The following MTMR6 variants were observed in gnomAD, a reference collection of about 807,000 sequenced individuals.
The protein encoded by MTMR6 is myotubularin related protein 6, also known as phosphatidylinositol-3,5-bisphosphate 3-phosphatase MTMR6.
In MTMR6, 47 loss-of-function variants were observed where a neutral mutation model predicts 80.1. The observed-to-expected ratio is 0.59, with a 90% CI of 0.46 to 0.75. The LOEUF (loss-of-function observed/expected upper bound fraction) is 0.75. Among genes scored for constraint, MTMR6 ranks in the 30% least tolerant of loss-of-function variants. The pLI is 0.00. For synonymous variants in MTMR6, 254 were observed against 253.0 expected (o/e 1.00, Z -0.04); for missense variants, 629 against 730.9 (o/e 0.86, Z 1.61).
intron 5 of MTMR6, among the ~76,000 whole-genome samples, chr13:25,263,668 C>T (rs1452553284): frequency 6.6e-6 from 1 of 152,192 alleles, no homozygotes; most frequent in African/African-American, 2.4e-5. Context: ...CGGTGGATCA[C>T]CTGAGGTCAG....
In MTMR6 at chr13:25,250,046, G is replaced by T. The variant is rs141955134; in HGVS notation, c.1606-554C>A. 2.6e-5 allele frequency among the ~76,000 whole-genome samples: 4 copies of T among 152,208 alleles called. No homozygotes were observed. In the East Asian group the frequency reaches 7.7e-4, roughly 29 times the overall value. ...ATTCTTGGACTGTCCCGATAATCTT[G>T]TATTACCTATTATCCTGGACTTGCC... On this transcript the variant is annotated intron_variant, in intron 13 of 13. Transcript: ENST00000381801.
At chr13:25,286,387 T>C (rs1410073086) in intron 1 of MTMR6, among the ~76,000 whole-genome samples, 1 of 152,240 alleles carries the variant, frequency 6.6e-6, no homozygotes, top group Admixed American at 6.5e-5. Context: ...GCAGTGATTT[T>C]AAAATGTTAT....
intron 1 of MTMR6, among the ~76,000 whole-genome samples, chr13:25,274,961 T>TACACACACACAC (rs71077456): frequency 0.064 from 6,682 of 104,824 alleles, 876 homozygotes; most frequent in East Asian, 0.099. Flanking sequence ...CACACACACA[T>TACACACACACAC]ACACACACAC....
At chr13:25,262,637 G>A (rs1034105205) in intron 5 of MTMR6, among the ~76,000 whole-genome samples, 1 of 152,194 alleles carries the variant, frequency 6.6e-6, no homozygotes, top group African/African-American at 2.4e-5. Flanking sequence ...AGCATGCTGG[G>A]ATTACAGGCA....
intron 6 of MTMR6, among the ~76,000 whole-genome samples, chr13:25,259,697 C>T (rs1957289482): frequency 6.6e-6 from 1 of 152,030 alleles, no homozygotes; most frequent in South Asian, 2.1e-4. Flanking sequence ...TCCTGAAAAA[C>T]AAATCACTGT....
In MTMR6 at chr13:25,251,767, C is replaced by T. The variant is rs1957093794; in HGVS notation, c.1487G>A (p.Arg496Lys). 2 of 1,606,744 alleles carry T rather than the reference C, an allele frequency of 1.2e-6. No individual in the cohort carries two copies. Among genetic ancestry groups the T allele is most frequent in the Non-Finnish European group, 8.5e-7 (1 of 1,177,244 alleles). Residue 496 changes from arginine to lysine, a missense_variant, in exon 13 of 14, where the codon AGG (arginine) becomes AAG (lysine). Arg to Lys is a conservative substitution (Grantham distance 26). Coordinates refer to ENST00000381801, the MANE Select transcript of MTMR6 (RefSeq NM_004685.5). This position sits in a 1 kb window ranked among gnomAD's most constrained non-coding sequence, Gnocchi z 4.1. ...TCGATCAAATTGATGGTACATGTTC[C>T]TCCAAAACCTTTATGACAAAAAAAA... ...NTVSFNFKFW[R>K]NMYHQFDRTL...
intron 3 of MTMR6, 142 bp downstream of exon 3, chr13:25,267,637 C>A (rs1957487219): frequency 2.7e-6 from 2 of 727,928 alleles, no homozygotes; most frequent in African/African-American, 3.6e-5. Context: ...ACTTTCAGGC[C>A]AATATGGGGG....
chr13:25,257,934 G>A (rs1957250256), intron 7 of MTMR6, 89 bp from the exon 8 acceptor site: 2 of 837,362 alleles, frequency 2.4e-6, no homozygotes, highest in Non-Finnish European at 3.6e-6. Flanking sequence ...AGTGAATGAA[G>A]AAAGAAGACA....
Position 25,247,135 on chromosome 13 carries a change from C to T in MTMR6, c.*2097G>A, listed in dbSNP as rs905595858. On this transcript the variant is annotated 3_prime_UTR_variant, in exon 14 of 14. Transcript: ENST00000381801. ...GAAACAGGTATTATTTATCAACAAA[C>T]TTTTGGAAAATAAACTCCTCAAACC... 4 of 151,964 alleles carry T rather than the reference C, an allele frequency of 2.6e-5. No homozygotes were observed. Among genetic ancestry groups the T allele is most frequent in the African/African-American group, 4.8e-5 (2 of 41,364 alleles). 9.4% of individuals were successfully genotyped at this position (151,964 alleles called of 1,614,324 possible).
At chr13:25,249,979 A>C (rs1487787899) in intron 13 of MTMR6, among the ~76,000 whole-genome samples, 10 of 152,184 alleles carry the variant, frequency 6.6e-5, no homozygotes, top group Non-Finnish European at 1.5e-5. Flanking sequence ...TTTTAACAGA[A>C]GATTTTTAAA....
chr13:25,275,189 G>A (rs989353972), intron 1 of MTMR6, among the ~76,000 whole-genome samples: 1 of 152,134 alleles, frequency 6.6e-6, no homozygotes, highest in Admixed American at 6.6e-5. Flanking sequence ...CACTTTGGGA[G>A]GCCAACACGG....
chr13:25,285,045 C>T (rs1957927445), intron 1 of MTMR6, among the ~76,000 whole-genome samples: 2 of 152,088 alleles, frequency 1.3e-5, no homozygotes, highest in African/African-American at 4.8e-5. Flanking sequence ...TTCTTAGTCT[C>T]TAAAAAGGCC....
intron 1 of MTMR6, among the ~76,000 whole-genome samples, chr13:25,278,629 C>T (rs1957776625): frequency 6.8e-6 from 1 of 147,180 alleles, no homozygotes. Context: ...AGGAGAATCG[C>T]TTGAACCCAG....
At chr13:25,287,183 G>T (rs570251947) in intron 1 of MTMR6, 41 bp downstream of exon 1, 105 of 1,582,186 alleles carry the variant, frequency 6.6e-5, no homozygotes, top group Admixed American at 3.7e-4. Flanking sequence ...AGCCGGGTCA[G>T]AGCAGGGCCC....
At chr13:25,265,780 T>C in intron 5 of MTMR6, 39 bp downstream of exon 5, 1 of 1,577,320 alleles carries the variant, frequency 6.3e-7, no homozygotes, top group Non-Finnish European at 8.6e-7. Context: ...TGAAGATGAG[T>C]TATACTTTAT....
In MTMR6 at chr13:25,265,866, T is replaced by A; in HGVS notation, c.544A>T (p.Ser182Cys). The change falls in exon 5 of 14, where the codon AGC becomes TGC. Residue 182 changes from serine to cysteine, a missense_variant. By Grantham distance (112) the Ser-to-Cys change is moderately radical (BLOSUM62 -1). Transcript: ENST00000381801. ...PIIVGSSKFR[S>C]KGRFPVLSYY... Reference sequence around the variant, plus strand: ...GAAAGAACTGGGAATCTTCCCTTGCTCCGGAACTTGGAACTACCAACAATT... The same window carrying A: ...GAAAGAACTGGGAATCTTCCCTTGCACCGGAACTTGGAACTACCAACAATT... The A allele has an allele frequency of 6.2e-7, 1 of 1,614,090 alleles. No individual in the cohort carries two copies.
rs115499321 is a variant in MTMR6 at position 25,255,344 on chromosome 13, C to T, written c.1096-910G>A. On this transcript the variant is annotated intron_variant, in intron 9 of 13. Coordinates refer to ENST00000381801, the MANE Select transcript of MTMR6 (RefSeq NM_004685.5). ...GTCTCTCTGCCATTCTTCTACAAAA[C>T]CATGTTTAAAGCATAACTCAATATC... Among the ~76,000 whole-genome samples, 452 of 152,316 alleles carry T rather than the reference C, an allele frequency of 3.0e-3. 6 individuals are homozygous for T. The highest frequency in any genetic ancestry group is 0.01 in the African/African-American group (434 of 41,570).
rs754112090 is a variant in MTMR6 at position 25,257,183 on chromosome 13, A to G, written c.1095+13T>C. 3.7e-6 allele frequency: 6 copies of G among 1,611,264 alleles called. No individual in the cohort carries two copies. The highest frequency in any genetic ancestry group is 8.5e-7 in the Non-Finnish European group (1 of 1,178,428). On this transcript the variant is annotated intron_variant, in intron 9 of 13. Transcript: ENST00000381801. ...TACTTAAGAACCATTGGTCTAACCAAATAAATCCTTACCATGAATCCTTTG... is the reference window on the plus strand; with the variant it reads ...TACTTAAGAACCATTGGTCTAACCAGATAAATCCTTACCATGAATCCTTTG...
chr13:25,284,805 C>T (rs2137646942), intron 1 of MTMR6, among the ~76,000 whole-genome samples: 1 of 152,208 alleles, frequency 6.6e-6, no homozygotes, highest in African/African-American at 2.4e-5. Context: ...TGTTACAGTC[C>T]CCACAACAAT....
Sources: gnomAD v4.1 joint callset for allele counts (sites outside exome capture counted in the v4.1 genomes callset) on GRCh38, gnomAD v4.1.1 for gene constraint, Gnocchi (gnomAD v3.1) non-coding constraint, MANE v1.5 for transcripts, NCBI Gene and HGNC (gene_info 2026-07-23, HGNC 2026-07-21) for gene names.